The following TBX15 variants were observed in gnomAD, a reference collection of about 807,000 sequenced individuals.
The protein encoded by TBX15 is T-box transcription factor TBX15.
A neutral mutation model predicts 53.9 loss-of-function variants in TBX15; 18 were observed. That is an observed-to-expected ratio of 0.33 (90% confidence interval 0.23 to 0.49). The LOEUF (loss-of-function observed/expected upper bound fraction) is 0.49. Ranked by LOEUF, TBX15 falls within the 20% of genes least tolerant of loss-of-function variation. The probability of loss-of-function intolerance (pLI) is 0.98; values close to 1 mark genes in which losing one functional copy is unlikely to be tolerated. For missense variants in TBX15, 692 were observed against 749.5 expected, an observed-to-expected ratio of 0.92 and a Z score of 0.90; for synonymous variants, 295 against 278.0, an observed-to-expected ratio of 1.06 and a Z score of -0.61.
intron 6 of TBX15, among the ~76,000 whole-genome samples, chr1:118,902,841 T>C (rs1314208921): frequency 6.6e-6 from 1 of 152,162 alleles, no homozygotes; most frequent in Admixed American, 6.5e-5. Context: ...AAATTTACCC[T>C]GTGCTACACA....
chr1:118,958,518 T>TG, intron 1 of TBX15, among the ~76,000 whole-genome samples: 1 of 152,352 alleles, frequency 6.6e-6, no homozygotes, highest in African/African-American at 2.4e-5. Flanking sequence ...ATAGATTTTT[T>TG]TACATTAATT....
chr1:118,902,697 C>T (rs1210003266), intron 6 of TBX15, among the ~76,000 whole-genome samples: 3 of 152,090 alleles, frequency 2.0e-5, no homozygotes, highest in African/African-American at 7.2e-5. Flanking sequence ...TTTTCCATTC[C>T]AGCCATAGAA....
intron 1 of TBX15, among the ~76,000 whole-genome samples, chr1:118,972,017 T>C (rs1657248714): frequency 6.6e-6 from 1 of 152,208 alleles, no homozygotes; most frequent in Admixed American, 6.5e-5. Context: ...CTGATAATGA[T>C]GGCCAAAGGG....
intron 1 of TBX15, among the ~76,000 whole-genome samples, chr1:118,960,044 A>G (rs1206902488): frequency 6.6e-6 from 1 of 151,934 alleles, no homozygotes; most frequent in Non-Finnish European, 1.5e-5. Flanking sequence ...TCACTGGAGC[A>G]AAGCAAAACT....
Position 118,930,376 on chromosome 1 carries a change from G to A in TBX15, c.419+1243C>T, listed in dbSNP as rs1489479355. Among the ~76,000 whole-genome samples, 15 of 152,244 alleles carry A rather than the reference G, an allele frequency of 9.9e-5. No individual in the cohort carries two copies. In the East Asian group the frequency reaches 2.9e-3, roughly 29 times the overall value. On this transcript the variant is annotated intron_variant, in intron 2 of 7. Coordinates refer to ENST00000369429, the MANE Select transcript of TBX15 (RefSeq NM_001330677.2). Reference sequence around the variant, plus strand: ...TTTCAATGAACTATTCCTATATGCTGAAAAGCTTAGTCCAAATGTATTTAT... The same window carrying A: ...TTTCAATGAACTATTCCTATATGCTAAAAAGCTTAGTCCAAATGTATTTAT...
chr1:118,896,867 A>AT (rs1442791051), intron 7 of TBX15, among the ~76,000 whole-genome samples: 1 of 152,142 alleles, frequency 6.6e-6, no homozygotes, highest in African/African-American at 2.4e-5. Flanking sequence ...CAAGCCACAT[A>AT]TTTTTTAATA....
intron 1 of TBX15, among the ~76,000 whole-genome samples, chr1:118,953,273 A>G (rs991871582): frequency 2.6e-5 from 4 of 152,212 alleles, no homozygotes; most frequent in Non-Finnish European, 5.9e-5. Flanking sequence ...AACCCTTATA[A>G]CACCTGACTT....
intron 7 of TBX15, among the ~76,000 whole-genome samples, chr1:118,889,870 T>C (rs1011104875): frequency 6.6e-6 from 1 of 151,998 alleles, no homozygotes; most frequent in Non-Finnish European, 1.5e-5. Context: ...ACTCCTGGGC[T>C]CAAGAAATCC....
intron 5 of TBX15, among the ~76,000 whole-genome samples, chr1:118,914,599 T>C (rs1655139037): frequency 6.6e-6 from 1 of 152,194 alleles, no homozygotes; most frequent in Non-Finnish European, 1.5e-5. Context: ...TAATTAATAA[T>C]GGACTCAGTC....
chr1:118,885,545 G>C lies in TBX15; in HGVS notation c.1025-29C>G, dbSNP rs1306089246. On this transcript the variant is annotated intron_variant, in intron 7 of 7. Coordinates refer to ENST00000369429, the MANE Select transcript of TBX15 (RefSeq NM_001330677.2). ...AAAAATAAAACGTGAATACTATTGA[G>C]ACAGAGTCTTTTAAGATGAGTCTGC... is the stretch of plus-strand genomic sequence containing the variant. 11 of 1,554,018 alleles carry C rather than the reference G, an allele frequency of 7.1e-6. No homozygotes were observed. In the East Asian group the frequency reaches 2.7e-4, roughly 38 times the overall value.
Position 118,923,520 on chromosome 1 carries a change from C to T in TBX15, c.777G>A (p.Lys259=). ...KDFSSDLSPT[K]PVPVGDGVKT... Reference sequence around the variant, plus strand: ...TCACCCCATCCCCAACAGGAACAGGCTTAGTGGGTGAAAGGTCACTGCTGA... The same window carrying T: ...TCACCCCATCCCCAACAGGAACAGGTTTAGTGGGTGAAAGGTCACTGCTGA... The change falls in exon 5 of 8, where the codon AAG becomes AAA. Residue 259 remains lysine, a synonymous_variant. Transcript: ENST00000369429. The T allele has an allele frequency of 3.1e-6, 5 of 1,613,980 alleles. No homozygotes were observed. Among genetic ancestry groups the T allele is most frequent in the Middle Eastern group, 1.6e-4 (1 of 6,062 alleles).
At chr1:118,963,549 A>C (rs770307254) in intron 1 of TBX15, among the ~76,000 whole-genome samples, 6 of 152,218 alleles carry the variant, frequency 3.9e-5, no homozygotes, top group Non-Finnish European at 8.8e-5. Context: ...TTACAGGCTA[A>C]GGCCCCAGTG....
intron 1 of TBX15, among the ~76,000 whole-genome samples, chr1:118,981,930 T>G (rs1302031692): frequency 1.2e-4 from 19 of 152,194 alleles, no homozygotes; most frequent in Non-Finnish European, 2.4e-4. Flanking sequence ...ACTACACGGA[T>G]GAGAAAGAGT....
intron 5 of TBX15, among the ~76,000 whole-genome samples, chr1:118,916,563 G>A (rs1322758841): frequency 6.6e-6 from 1 of 152,064 alleles, no homozygotes; most frequent in Admixed American, 6.6e-5. Context: ...CAGAAATGGC[G>A]ATTATTAAAA....
At chr1:118,900,794 G>C (rs1342005221) in intron 6 of TBX15, among the ~76,000 whole-genome samples, 3 of 152,264 alleles carry the variant, frequency 2.0e-5, no homozygotes, top group East Asian at 1.9e-4. Context: ...ACTGAGCCTG[G>C]ATGGATAGAA....
At chr1:118,957,683 C>T (rs1419898749) in intron 1 of TBX15, among the ~76,000 whole-genome samples, 1 of 152,176 alleles carries the variant, frequency 6.6e-6, no homozygotes, top group African/African-American at 2.4e-5. Context: ...TATGTGTTCT[C>T]ATTGTTCCAT....
rs932943083 is a variant in TBX15, at chr1:118,940,290, TAGTA to T, written c.206-8462_206-8459del. ...CTCTCTTCATCAACTTAACATTATT[TAGTA>T]AGTAAGTACAACTATAAAAGGCCTC... is the stretch of plus-strand genomic sequence containing the variant. On this transcript the variant is annotated intron_variant, in intron 1 of 7. Transcript: ENST00000369429. Among the ~76,000 whole-genome samples the T allele has an allele frequency of 2.7e-4, 41 of 151,968 alleles. 1 individual carries two copies. Among genetic ancestry groups the T allele is most frequent in the African/African-American group, 8.5e-4 (35 of 41,212 alleles).
At chr1:118,943,575 A>G (rs1017728007) in intron 1 of TBX15, among the ~76,000 whole-genome samples, 1 of 152,226 alleles carries the variant, frequency 6.6e-6, no homozygotes, top group Non-Finnish European at 1.5e-5. Context: ...TTGGGTCTTC[A>G]GTAAGGAAAA....
intron 1 of TBX15, among the ~76,000 whole-genome samples, chr1:118,970,038 TC>T (rs1657178887): frequency 6.6e-6 from 1 of 152,190 alleles, no homozygotes; most frequent in African/African-American, 2.4e-5. Context: ...GTGTAGCACT[TC>T]CCCCTGCGTG....
Sources: gnomAD v4.1 joint callset for allele counts (sites outside exome capture counted in the v4.1 genomes callset) on GRCh38, gnomAD v4.1.1 for gene constraint, MANE v1.5 for transcripts, NCBI Gene and HGNC (gene_info 2026-07-23, HGNC 2026-07-21) for gene names.